CFAP58: variants seen among roughly 807,000 people sequenced by gnomAD.
CFAP58 encodes the protein cilia and flagella associated protein 58, also known as cilia- and flagella-associated protein 58.
A neutral mutation model predicts 119.5 loss-of-function variants in CFAP58; 88 were observed. The ratio of observed to expected loss-of-function variants is 0.74; its 90% confidence interval spans 0.62 to 0.88. The LOEUF is 0.88. CFAP58 is among the 40% of genes least tolerant of loss of function. The pLI, the probability that CFAP58 is intolerant of heterozygous loss-of-function variation, is 0.00. For missense variants in CFAP58, 990 were observed against 1,021.2 expected (o/e 0.97, Z 0.42); for synonymous variants, 365 against 366.3 (o/e 1.00, Z 0.04).
At chr10:104,424,319 T>C (rs906168990) in intron 15 of CFAP58, among the ~76,000 whole-genome samples, 4 of 152,214 alleles carry the variant, frequency 2.6e-5, no homozygotes, top group Non-Finnish European at 4.4e-5. Flanking sequence ...TTTTGGCTTC[T>C]GACAGTTTGG....
At chr10:104,435,291 G>C (rs1359442742) in intron 15 of CFAP58, among the ~76,000 whole-genome samples, 1 of 152,224 alleles carries the variant, frequency 6.6e-6, no homozygotes, top group East Asian at 1.9e-4. Context: ...AGACCAGCCT[G>C]GCCAGCATGG....
At chr10:104,380,268 C>T (rs772361636) in intron 9 of CFAP58, 48 bp downstream of exon 9, 2 of 1,469,936 alleles carry the variant, frequency 1.4e-6, no homozygotes, top group East Asian at 4.5e-5. Flanking sequence ...ACATTCCTTC[C>T]TCCGCATTTC....
chr10:104,389,720 C>G (rs996608001), intron 9 of CFAP58, among the ~76,000 whole-genome samples: 1 of 152,102 alleles, frequency 6.6e-6, no homozygotes, highest in Non-Finnish European at 1.5e-5. Context: ...TTTTACAGTG[C>G]CTGCCATAGA....
At chr10:104,392,685 G>T (rs1444089138) in intron 10 of CFAP58, among the ~76,000 whole-genome samples, 1 of 142,532 alleles carries the variant, frequency 7.0e-6, no homozygotes, top group African/African-American at 2.7e-5. Context: ...CTGTCACCCA[G>T]CTGGAGTGCA....
chr10:104,379,799 G>A (rs1379590343), intron 8 of CFAP58, among the ~76,000 whole-genome samples: 1 of 152,154 alleles, frequency 6.6e-6, no homozygotes, highest in African/African-American at 2.4e-5. Context: ...GCAATATGGT[G>A]CCCATTTCTT....
chr10:104,343,614 ATTG>A, the CFAP58 span, among the ~76,000 whole-genome samples: 1 of 152,210 alleles, frequency 6.6e-6, no homozygotes, highest in Non-Finnish European at 1.5e-5. Flanking sequence ...CTTAAAAACA[ATTG>A]TTATGTTTAC....
intron 15 of CFAP58, among the ~76,000 whole-genome samples, chr10:104,446,871 A>T (rs2013118944): frequency 1.3e-5 from 2 of 152,256 alleles, no homozygotes; most frequent in African/African-American, 2.4e-5. Flanking sequence ...GTTTAAATAA[A>T]GTTACAGAAT....
upstream of CFAP58, among the ~76,000 whole-genome samples, chr10:104,352,911 G>T (rs2014480125): frequency 6.6e-6 from 1 of 152,110 alleles, no homozygotes; most frequent in South Asian, 2.1e-4. Context: ...AAGTCCAGTA[G>T]CATTATTTAA....
chr10:104,386,060 T>G (rs1200331590), intron 9 of CFAP58, among the ~76,000 whole-genome samples: 1 of 121,370 alleles, frequency 8.2e-6, no homozygotes, highest in African/African-American at 3.4e-5. Context: ...GTTCCTTTTT[T>G]GCTTTTTTTT....
chr10:104,402,541 G>A (rs1326850001), intron 13 of CFAP58, among the ~76,000 whole-genome samples: 1 of 152,274 alleles, frequency 6.6e-6, no homozygotes, highest in South Asian at 2.1e-4. Flanking sequence ...CAATGCAAGT[G>A]CTTGCTTCTT....
chr10:104,399,263 A>C, intron 11 of CFAP58, 97 bp from the exon 12 acceptor site: 1 of 1,327,628 alleles, frequency 7.5e-7, no homozygotes, highest in Non-Finnish European at 1.0e-6. Flanking sequence ...CAGAGGAAAG[A>C]GTAAGAAGCA....
At chr10:104,393,249 G>T in intron 10 of CFAP58, 80 bp from the exon 11 acceptor site, 3 of 1,299,706 alleles carry the variant, frequency 2.3e-6, no homozygotes, top group Non-Finnish European at 1.1e-6. Context: ...TCCCTTAAAA[G>T]CTCTGAAATA....
intron 15 of CFAP58, among the ~76,000 whole-genome samples, chr10:104,440,689 A>G (rs960535253): frequency 5.3e-5 from 8 of 152,256 alleles, no homozygotes; most frequent in Non-Finnish European, 1.0e-4. Context: ...TTTAATCGTC[A>G]TAGAGACAAT....
the CFAP58 span, among the ~76,000 whole-genome samples, chr10:104,343,326 T>C: frequency 0.017 from 2,633 of 152,296 alleles, 106 homozygotes; most frequent in East Asian, 0.17. Flanking sequence ...TAGAGATTAT[T>C]TACTGACAAA....
intron 9 of CFAP58, 42 bp downstream of exon 9, chr10:104,380,262 T>G: frequency 6.6e-7 from 1 of 1,520,796 alleles, no homozygotes; most frequent in Non-Finnish European, 9.0e-7. Context: ...AGAGGCACAT[T>G]CCTTCCTCCG....
intron 15 of CFAP58, among the ~76,000 whole-genome samples, chr10:104,435,022 T>C (rs2012910201): frequency 6.6e-6 from 1 of 152,222 alleles, no homozygotes; most frequent in Admixed American, 6.5e-5. Flanking sequence ...GTGACTGGCA[T>C]ATAATAGTTG....
intron 9 of CFAP58, among the ~76,000 whole-genome samples, chr10:104,385,542 T>G (rs2011905257): frequency 6.6e-6 from 1 of 151,968 alleles, no homozygotes; most frequent in Non-Finnish European, 1.5e-5. Context: ...TCAGGCCAGG[T>G]GTGGTGGCTC....
At chr10:104,429,372 A>G (rs543919471) in intron 15 of CFAP58, among the ~76,000 whole-genome samples, 19 of 152,276 alleles carry the variant, frequency 1.2e-4, no homozygotes, top group African/African-American at 4.6e-4. Context: ...GAGACCATGG[A>G]GCTTGAGCAT....
At chr10:104,413,114 A>G (rs2012486783) in intron 15 of CFAP58, among the ~76,000 whole-genome samples, 1 of 152,214 alleles carries the variant, frequency 6.6e-6, no homozygotes, top group African/African-American at 2.4e-5. Flanking sequence ...ATCCACAAAT[A>G]TTTGTCTAGC....
Sources: allele counts gnomAD v4.1 joint callset (sites outside exome capture counted in the v4.1 genomes callset), GRCh38; gene constraint gnomAD v4.1.1; transcripts MANE v1.5; gene names NCBI Gene and HGNC (gene_info 2026-07-23, HGNC 2026-07-21).